TPPP: variants seen among roughly 807,000 people sequenced by gnomAD.
TPPP encodes the protein tubulin polymerization-promoting protein.
A neutral mutation model predicts 15.5 loss-of-function variants in TPPP; 6 were observed. That is an observed-to-expected ratio of 0.39 (90% CI 0.21 to 0.77). TPPP has a LOEUF of 0.77. TPPP is among the 30% of genes least tolerant of loss of function. The pLI, the probability that TPPP is intolerant of heterozygous loss-of-function variation, is 0.42. For missense variants in TPPP, 269 were observed against 307.2 expected (o/e 0.88, Z 0.93); for synonymous variants, 146 against 133.9 (o/e 1.09, Z -0.63).
At chr5:675,486 G>A (rs866396810) in intron 2 of TPPP, among the ~76,000 whole-genome samples, 1 of 141,442 alleles carries the variant, frequency 7.1e-6, no homozygotes, top group East Asian at 2.1e-4. Context: ...GTGGCCAGGG[G>A]TACATTGTGG....
At chr5:697,727 A>G (rs1219224525), upstream of TPPP, among the ~76,000 whole-genome samples, 1 of 151,916 alleles carries the variant, frequency 6.6e-6, no homozygotes, top group Non-Finnish European at 1.5e-5. Flanking sequence ...GCCCAGGACT[A>G]GATGGATTCA....
chr5:675,005 G>C (rs1400506618), intron 2 of TPPP, among the ~76,000 whole-genome samples: 1 of 141,774 alleles, frequency 7.1e-6, no homozygotes, highest in Non-Finnish European at 1.5e-5. Context: ...GAGCAGTGAG[G>C]GGGGCACAGT....
At chr5:693,631 G>T (rs1740959383), upstream of TPPP, among the ~76,000 whole-genome samples, 1 of 151,806 alleles carries the variant, frequency 6.6e-6, no homozygotes, top group African/African-American at 2.4e-5. Context: ...GGAACCGCTG[G>T]GCAGGGGGCG....
At chr5:673,583 C>T (rs1431444344) in intron 2 of TPPP, among the ~76,000 whole-genome samples, 5 of 152,168 alleles carry the variant, frequency 3.3e-5, no homozygotes, top group Admixed American at 6.5e-5. Context: ...CCCAGCCTGC[C>T]GACCAGGCTG....
chr5:684,956 G>A (rs1262584604), intron 1 of TPPP, among the ~76,000 whole-genome samples: 1 of 152,214 alleles, frequency 6.6e-6, no homozygotes, highest in Non-Finnish European at 1.5e-5. Context: ...GCACACTCGG[G>A]AGCACACCCC....
Position 665,532 on chromosome 5 carries a change from T to C in TPPP, c.466-236A>G, listed in dbSNP as rs141027459. 6.0e-3 allele frequency among the ~76,000 whole-genome samples: 914 copies of C among 152,112 alleles called. 31 individuals are homozygous for C. The highest frequency in any genetic ancestry group is 0.051 in the Admixed American group (784 of 15,288). Reference sequence around the variant, plus strand: ...TGCCCAGGTCCACCTGGTGTTTATGTAGTTGGGGACCCCACCACCTGCACC... The same window carrying C: ...TGCCCAGGTCCACCTGGTGTTTATGCAGTTGGGGACCCCACCACCTGCACC... On this transcript the variant is annotated intron_variant, in intron 3 of 3. Coordinates refer to ENST00000360578, the MANE Select transcript of TPPP (RefSeq NM_007030.3).
rs1212736337 is a variant in TPPP, at chr5:663,353, G to T, written c.*1749C>A. 1 of 152,470 alleles carries T rather than the reference G, an allele frequency of 6.6e-6. No homozygotes were observed. The highest frequency in any genetic ancestry group is 1.5e-5 in the Non-Finnish European group (1 of 68,108). 9.4% of individuals were successfully genotyped at this position (152,470 alleles called of 1,614,324 possible). A position where few individuals can be genotyped will look rare whatever the true frequency, so the allele number is the denominator to read the frequency against. ...CACCCCCCGCCTTCCCCAGGCCGGTGAGGTGACATCCTAAAGGAGCCACGA... is the reference window on the plus strand; with the variant it reads ...CACCCCCCGCCTTCCCCAGGCCGGTTAGGTGACATCCTAAAGGAGCCACGA... On this transcript the variant is annotated 3_prime_UTR_variant, in exon 4 of 4. Transcript: ENST00000360578.
At position 663,233 on chromosome 5, in the gene TPPP, ACATT is replaced by A. The variant is rs1739747245; in HGVS notation, c.*1865_*1868del. On this transcript the variant is annotated 3_prime_UTR_variant, in exon 4 of 4. Transcript: ENST00000360578. ...CTGTGATCGGGTGATTCCGAACCGC[ACATT>A]CAGAGTTGTTTTCAAATGTTTCCGC... is the stretch of plus-strand genomic sequence containing the variant. 1 of 152,008 alleles carries A rather than the reference ACATT, an allele frequency of 6.6e-6. No homozygotes were observed. The highest frequency in any genetic ancestry group is 2.4e-5 in the African/African-American group (1 of 41,380). 9.4% of individuals were successfully genotyped at this position (152,008 alleles called of 1,614,324 possible). A position where few individuals can be genotyped will look rare whatever the true frequency, so the allele number is the denominator to read the frequency against.
Position 664,960 on chromosome 5 carries a change from G to T in TPPP, c.*142C>A. ...CGGTAGGAGGAGGGGCAGGAGGGAG[G>T]CCTGGGCCTGGCCGCCCCCCAGCCC... On this transcript the variant is annotated 3_prime_UTR_variant, in exon 4 of 4. Coordinates refer to ENST00000360578, the MANE Select transcript of TPPP (RefSeq NM_007030.3). 2.1e-6 allele frequency: 2 copies of T among 935,284 alleles called. No individual in the cohort carries two copies. Among genetic ancestry groups the T allele is most frequent in the Non-Finnish European group, 3.2e-6 (2 of 631,040 alleles). 57.9% of individuals were successfully genotyped at this position (935,284 alleles called of 1,614,324 possible).
Position 663,558 on chromosome 5 carries a change from T to TTCTGC in TPPP, c.*1539_*1543dup. The TTCTGC allele has an allele frequency of 1.3e-5, 2 of 152,590 alleles. No individual in the cohort carries two copies. Among genetic ancestry groups the TTCTGC allele is most frequent in the Admixed American group, 1.3e-4 (2 of 15,312 alleles). 9.5% of individuals were successfully genotyped at this position (152,590 alleles called of 1,614,324 possible). A position where few individuals can be genotyped will look rare whatever the true frequency, so the allele number is the denominator to read the frequency against. Reference sequence around the variant, plus strand: ...CTGGCTGGGAGCTCCGCCCTGGGGCTTCTGCTCTGCTCAGGTAGGGGGAGT... The same window carrying TTCTGC: ...CTGGCTGGGAGCTCCGCCCTGGGGCTTCTGCTCTGCTCTGCTCAGGTAGGGGGAGT... On this transcript the variant is annotated 3_prime_UTR_variant, in exon 4 of 4. Coordinates refer to ENST00000360578, the MANE Select transcript of TPPP (RefSeq NM_007030.3).
intron 2 of TPPP, among the ~76,000 whole-genome samples, chr5:667,700 T>G (rs1393783687): frequency 6.6e-6 from 1 of 151,002 alleles, no homozygotes; most frequent in Non-Finnish European, 1.5e-5. Context: ...AACTCAGCAG[T>G]AAGAAAAAAA....
At chr5:681,875 C>G (rs971981870) in intron 1 of TPPP, among the ~76,000 whole-genome samples, 4 of 152,214 alleles carry the variant, frequency 2.6e-5, no homozygotes, top group Non-Finnish European at 5.9e-5. Flanking sequence ...TCCTAGGGAA[C>G]GAAGCCTCCT....
In TPPP at chr5:660,204, C is replaced by CATATATATAT. The variant is rs34439131; in HGVS notation, c.*4888_*4897dup. ...TCACACAGTGTAAAAATATATTGCA[C>CATATATATAT]ATATATATATATATATATATATATA... On this transcript the variant is annotated 3_prime_UTR_variant, in exon 4 of 4. Transcript: ENST00000360578. 5.5e-5 allele frequency: 8 copies of CATATATATAT among 145,552 alleles called. No homozygotes were observed. The highest frequency in any genetic ancestry group is 7.6e-5 in the Non-Finnish European group (5 of 66,130). 9.0% of individuals were successfully genotyped at this position (145,552 alleles called of 1,614,324 possible).
chr5:685,991 G>C (rs985521538), intron 1 of TPPP, among the ~76,000 whole-genome samples: 1 of 152,220 alleles, frequency 6.6e-6, no homozygotes, highest in African/African-American at 2.4e-5. Flanking sequence ...GGCCACCATG[G>C]GATGGAGGTG....
intron 1 of TPPP, among the ~76,000 whole-genome samples, chr5:682,980 C>T (rs1472464308): frequency 6.6e-6 from 1 of 152,056 alleles, no homozygotes; most frequent in Non-Finnish European, 1.5e-5. Context: ...CGGCCCTGCT[C>T]AGGCTCTGGC....
intron 2 of TPPP, among the ~76,000 whole-genome samples, chr5:669,434 G>C (rs117288090): frequency 6.6e-6 from 1 of 152,168 alleles, no homozygotes; most frequent in Non-Finnish European, 1.5e-5. Context: ...ACAGTGCCTG[G>C]AACTGACAGT....
In TPPP at chr5:665,970, C is replaced by T. The variant is rs764107390; in HGVS notation, c.465G>A (p.Thr155=). The T allele has an allele frequency of 3.1e-6, 5 of 1,588,778 alleles. No homozygotes were observed. The highest frequency in any genetic ancestry group is 1.7e-5 in the Admixed American group (1 of 58,914). ...EGKAPIISGV[T]KAISSPTVSR... ...CGCCTTCCATCCCCGCCCTGCTCACCGTCACCCCTGAGATGATGGGCGCCT... is the reference window on the plus strand; with the variant it reads ...CGCCTTCCATCCCCGCCCTGCTCACTGTCACCCCTGAGATGATGGGCGCCT... Residue 155 remains threonine (T), a splice_region_variant and synonymous_variant, in exon 3 of 4, where the codon ACG becomes ACA. Coordinates refer to ENST00000360578, the MANE Select transcript of TPPP (RefSeq NM_007030.3).
At chr5:669,127 G>A (rs1740086263) in intron 2 of TPPP, among the ~76,000 whole-genome samples, 1 of 152,236 alleles carries the variant, frequency 6.6e-6, no homozygotes, top group Non-Finnish European at 1.5e-5. Flanking sequence ...AGGGAGGGGA[G>A]CGGAGGCCTC....
At chr5:669,359 C>T (rs778243603) in intron 2 of TPPP, among the ~76,000 whole-genome samples, 98 of 152,278 alleles carry the variant, frequency 6.4e-4, no homozygotes, top group Non-Finnish European at 9.1e-4. Flanking sequence ...CCCCTTGACG[C>T]GCTCGGCGTG....
Sources: gnomAD v4.1 joint callset for allele counts (sites outside exome capture counted in the v4.1 genomes callset) on GRCh38, gnomAD v4.1.1 for gene constraint, MANE v1.5 for transcripts, NCBI Gene and HGNC (gene_info 2026-07-23, HGNC 2026-07-21) for gene names.